Variants in CDH13 observed in about 807,000 individuals in gnomAD.
The protein encoded by CDH13 is cadherin 13.
In CDH13, 24 loss-of-function variants were observed where a neutral mutation model predicts 63.8. That is an observed-to-expected ratio of 0.38 (90% confidence interval 0.27 to 0.53). The LOEUF (loss-of-function observed/expected upper bound fraction) is 0.53, where lower values mean the gene tolerates loss of function less well. Among genes scored for constraint, CDH13 ranks in the 20% least tolerant of loss-of-function variants. The pLI is 0.85. For synonymous variants in CDH13, 503 were observed against 355.3 expected, an observed-to-expected ratio of 1.42 and a Z score of -4.67; for missense variants, 1,049 against 903.1, an observed-to-expected ratio of 1.16 and a Z score of -2.07.
chr16:83,379,433 G>T (rs915375530), intron 6 of CDH13, among the ~76,000 whole-genome samples: 3 of 152,144 alleles, frequency 2.0e-5, no homozygotes, highest in African/African-American at 7.2e-5. Context: ...TAAGGTTATT[G>T]AATAGAATAG....
chr16:82,777,828 C>T (rs2035568715), intron 1 of CDH13, among the ~76,000 whole-genome samples: 1 of 152,130 alleles, frequency 6.6e-6, no homozygotes, highest in African/African-American at 2.4e-5. Context: ...GGCTTTGCTT[C>T]CTTGCTGGCT....
chr16:83,714,001 A>C (rs967685689), intron 10 of CDH13, among the ~76,000 whole-genome samples: 1 of 152,178 alleles, frequency 6.6e-6, no homozygotes, highest in African/African-American at 2.4e-5. Flanking sequence ...TCCTGGGCTC[A>C]TGCTCACTTG....
At chr16:83,177,359 C>T (rs1234537568) in intron 4 of CDH13, among the ~76,000 whole-genome samples, 1 of 152,150 alleles carries the variant, frequency 6.6e-6, no homozygotes, top group African/African-American at 2.4e-5. Flanking sequence ...TAGTCTGATG[C>T]CATCCCCAGG....
At chr16:83,115,163 T>C (rs1177049348) in intron 3 of CDH13, among the ~76,000 whole-genome samples, 2 of 152,214 alleles carry the variant, frequency 1.3e-5, no homozygotes, top group Non-Finnish European at 2.9e-5. Context: ...GGGAGGTTTA[T>C]AGCAAAGTGT....
intron 7 of CDH13, among the ~76,000 whole-genome samples, chr16:83,504,159 T>A (rs2074345845): frequency 6.6e-6 from 1 of 152,188 alleles, no homozygotes. Context: ...TTCCTCTGAA[T>A]GGACATAGCC....
At chr16:83,442,499 T>C (rs10514569) in intron 6 of CDH13, among the ~76,000 whole-genome samples, 1 of 152,214 alleles carries the variant, frequency 6.6e-6, no homozygotes, top group African/African-American at 2.4e-5. Context: ...CTTGGAGAAC[T>C]CAGTGATGGA....
intron 5 of CDH13, among the ~76,000 whole-genome samples, chr16:83,225,654 C>G (rs1458810090): frequency 6.6e-6 from 1 of 152,144 alleles, no homozygotes; most frequent in Non-Finnish European, 1.5e-5. Flanking sequence ...GGTTCTTGAA[C>G]TTTGTTGCCC....
At chr16:83,530,479 A>T (rs956198842) in intron 7 of CDH13, among the ~76,000 whole-genome samples, 1 of 152,212 alleles carries the variant, frequency 6.6e-6, no homozygotes, top group Non-Finnish European at 1.5e-5. Flanking sequence ...TCCTGAGAGC[A>T]CTGTGGCTCT....
intron 2 of CDH13, among the ~76,000 whole-genome samples, chr16:82,975,589 A>G (rs2151377670): frequency 6.6e-6 from 1 of 152,400 alleles, no homozygotes; most frequent in South Asian, 2.1e-4. Flanking sequence ...CACCCAACAA[A>G]TAATCATCGT....
At chr16:83,634,149 G>GTT (rs1234418424) in intron 8 of CDH13, among the ~76,000 whole-genome samples, 1 of 151,534 alleles carries the variant, frequency 6.6e-6, no homozygotes, top group Non-Finnish European at 1.5e-5. Context: ...GTGTGTGTGT[G>GTT]TGTGTGTGTG....
intron 1 of CDH13, among the ~76,000 whole-genome samples, chr16:82,856,374 CAA>C (rs71382852): frequency 0.01 from 983 of 95,844 alleles, 17 homozygotes; most frequent in African/African-American, 0.04. Context: ...GACTCCATCT[CAA>C]AAAAAAAAAA....
intron 7 of CDH13, among the ~76,000 whole-genome samples, chr16:83,511,134 A>G (rs1445649376): frequency 3.3e-5 from 5 of 152,146 alleles, no homozygotes; most frequent in Admixed American, 6.5e-5. Context: ...ACATGTGCAC[A>G]CATGCACGCA....
rs71376303 is a variant in CDH13 at position 83,191,530 on chromosome 16, C to CATATATATAT, written c.484-25797_484-25788dup. On this transcript the variant is annotated intron_variant, in intron 4 of 13. Transcript: ENST00000567109. ...ACACACACACACACACACACACACACATATATATATATATATATATATATA... is the reference window on the plus strand; with the variant it reads ...ACACACACACACACACACACACACACATATATATATATATATATATATATATATATATATA... 3.5e-4 allele frequency among the ~76,000 whole-genome samples: 26 copies of CATATATATAT among 74,376 alleles called. 1 individual carries two copies. Among genetic ancestry groups the CATATATATAT allele is most frequent in the African/African-American group, 7.2e-4 (13 of 18,118 alleles). The allele number at this position is 74,376 out of a possible 152,430, so 48.8% of individuals were successfully genotyped here. A position where few individuals can be genotyped will look rare whatever the true frequency, so the allele number is the denominator to read the frequency against.
chr16:83,499,993 G>A (rs1182271386), intron 7 of CDH13, among the ~76,000 whole-genome samples: 2 of 151,848 alleles, frequency 1.3e-5, no homozygotes, highest in African/African-American at 4.8e-5. Context: ...AGTAGAGATG[G>A]GGTTTCACCA....
intron 6 of CDH13, among the ~76,000 whole-genome samples, chr16:83,476,398 C>T (rs1459276963): frequency 2.0e-5 from 3 of 152,172 alleles, no homozygotes; most frequent in Non-Finnish European, 4.4e-5. Flanking sequence ...ATTGGCTGGG[C>T]GCAGTGGCTC....
At chr16:83,081,838 T>C (rs2033276730) in intron 3 of CDH13, among the ~76,000 whole-genome samples, 1 of 152,162 alleles carries the variant, frequency 6.6e-6, no homozygotes, top group Non-Finnish European at 1.5e-5. Flanking sequence ...TTGGCTCTTG[T>C]TGTCCAGGCT....
At chr16:82,873,309 AG>A (rs1010284697) in intron 2 of CDH13, among the ~76,000 whole-genome samples, 1 of 152,212 alleles carries the variant, frequency 6.6e-6, no homozygotes, top group African/African-American at 2.4e-5. Flanking sequence ...TCTATGTTAT[AG>A]ATAGGGGTAT....
intron 2 of CDH13, chr16:82,884,096 G>C (rs1032924569): frequency 2.3e-6 from 1 of 443,856 alleles, no homozygotes; most frequent in African/African-American, 2.0e-5. Flanking sequence ...ATGTTCATTA[G>C]GTGAATAAAT....
At chr16:83,677,995 A>C (rs1314030614) in intron 9 of CDH13, among the ~76,000 whole-genome samples, 1 of 152,104 alleles carries the variant, frequency 6.6e-6, no homozygotes, top group East Asian at 1.9e-4. Flanking sequence ...CACAAAAACA[A>C]AAAAAAACCA....
Sources: gnomAD v4.1 joint callset for allele counts (sites outside exome capture counted in the v4.1 genomes callset) on GRCh38, gnomAD v4.1.1 for gene constraint, MANE v1.5 for transcripts, NCBI Gene and HGNC (gene_info 2026-07-23, HGNC 2026-07-21) for gene names.